Variants in PBRM1 observed in about 807,000 individuals in gnomAD.
The protein encoded by PBRM1 is polybromo 1, also known as protein polybromo-1.
Under a neutral mutation model 194.5 loss-of-function variants are expected in PBRM1, and 27 were observed. The observed-to-expected ratio is 0.14, with a 90% CI of 0.10 to 0.19. PBRM1 has a LOEUF of 0.19. Ranked by LOEUF, PBRM1 falls within the 10% of genes least tolerant of loss-of-function variation. The pLI is 1.00. For synonymous variants in PBRM1, 655 were observed against 693.2 expected, an observed-to-expected ratio of 0.94 and a Z score of 0.87; for missense variants, 1,466 against 2,077.2, an observed-to-expected ratio of 0.71 and a Z score of 5.72.
chr3:52,636,838 G>GAC (rs2095840760), intron 10 of PBRM1, among the ~76,000 whole-genome samples: 1 of 134,912 alleles, frequency 7.4e-6, no homozygotes, highest in African/African-American at 2.7e-5. Context: ...CTGCCTGGGC[G>GAC]ACAGAGTGAG....
At chr3:52,661,821 A>C (rs1457498111) in intron 4 of PBRM1, among the ~76,000 whole-genome samples, 2 of 152,196 alleles carry the variant, frequency 1.3e-5, no homozygotes, top group South Asian at 4.1e-4. Flanking sequence ...TCCTTACATG[A>C]TGTCTCAATG....
chr3:52,665,115 A>G (rs2096804844), intron 3 of PBRM1, among the ~76,000 whole-genome samples: 1 of 152,208 alleles, frequency 6.6e-6, no homozygotes, highest in South Asian at 2.1e-4. Flanking sequence ...GAATAAAGAA[A>G]GTAGTAATAA....
At chr3:52,554,849 G>A (rs755115410) in exon 27 of PBRM1, 11 of 1,606,760 alleles carry the variant, frequency 6.8e-6, no homozygotes, top group Non-Finnish European at 8.5e-6. Flanking sequence ...CTGCAAAGGT[G>A]GAAGGCCTGG....
At chr3:52,679,506 A>T (rs1026094711) in intron 1 of PBRM1, 68 bp downstream of exon 2, 11 of 1,419,270 alleles carry the variant, frequency 7.8e-6, no homozygotes, top group Non-Finnish European at 1.1e-5. Context: ...TAACAATTTT[A>T]CCATTAAAGG....
At chr3:52,583,983 T>C (rs940958332) in intron 20 of PBRM1, among the ~76,000 whole-genome samples, 1 of 152,112 alleles carries the variant, frequency 6.6e-6, no homozygotes, top group East Asian at 1.9e-4. Flanking sequence ...TAAAATGTAA[T>C]ACATCTGGCA....
chr3:52,641,185 C>A (rs562647481), intron 10 of PBRM1, among the ~76,000 whole-genome samples: 7 of 151,564 alleles, frequency 4.6e-5, no homozygotes, highest in Non-Finnish European at 1.0e-4. Flanking sequence ...TGAGGCCAGG[C>A]GTGGTGTAAT....
At chr3:52,655,081 A>G (rs1342218801) in intron 5 of PBRM1, among the ~76,000 whole-genome samples, 1 of 152,162 alleles carries the variant, frequency 6.6e-6, no homozygotes, top group East Asian at 1.9e-4. Context: ...CTGTAATAAA[A>G]TAAATTTCAT....
intron 18 of PBRM1, 29 bp downstream of exon 20, chr3:52,589,039 TAA>T (rs780594277): frequency 6.5e-7 from 1 of 1,545,284 alleles, no homozygotes. Flanking sequence ...CATATCTCAC[TAA>T]ACTGTCCTTT....
chr3:52,575,435 C>T (rs2089199912), intron 22 of PBRM1, among the ~76,000 whole-genome samples: 1 of 147,810 alleles, frequency 6.8e-6, no homozygotes, highest in Non-Finnish European at 1.5e-5. Context: ...TAAGAAAAAA[C>T]AAAATGAACA....
chr3:52,627,193 A>G (rs1044404907), intron 13 of PBRM1, 80 bp downstream of exon 14: 3 of 752,740 alleles, frequency 4.0e-6, no homozygotes, highest in Non-Finnish European at 4.5e-6. Flanking sequence ...TGATAGCTTA[A>G]AAAATATATA....
At chr3:52,639,138 C>T (rs2095962171) in intron 10 of PBRM1, among the ~76,000 whole-genome samples, 1 of 151,958 alleles carries the variant, frequency 6.6e-6, no homozygotes, top group Non-Finnish European at 1.5e-5. Context: ...GCATGTGCCA[C>T]TATATGTATT....
chr3:52,583,418 A>C (rs2091779745), intron 20 of PBRM1, among the ~76,000 whole-genome samples: 1 of 144,484 alleles, frequency 6.9e-6, no homozygotes, highest in Non-Finnish European at 1.5e-5. Flanking sequence ...AAAAAAAAAC[A>C]AAAAAAAAAA....
At chr3:52,637,893 C>T (rs182749231) in intron 10 of PBRM1, among the ~76,000 whole-genome samples, 4 of 151,276 alleles carry the variant, frequency 2.6e-5, no homozygotes, top group African/African-American at 7.3e-5. Context: ...TTGCCATGAG[C>T]GGGGATTGCG....
At chr3:52,564,329 T>C in intron 22 of PBRM1, 96 bp from the exon 25 acceptor site, 1 of 879,398 alleles carries the variant, frequency 1.1e-6, no homozygotes, top group East Asian at 2.6e-5. Context: ...AATACATTCA[T>C]ATAATTAACA....
intron 14 of PBRM1, among the ~76,000 whole-genome samples, chr3:52,616,734 A>C (rs1437652690): frequency 6.6e-6 from 1 of 152,214 alleles, no homozygotes; most frequent in Non-Finnish European, 1.5e-5. Context: ...CAATTAAATA[A>C]ATTATTTAGA....
intron 26 of PBRM1, among the ~76,000 whole-genome samples, chr3:52,556,824 C>T (rs1004587406): frequency 7.9e-5 from 12 of 152,110 alleles, no homozygotes; most frequent in African/African-American, 2.7e-4. Flanking sequence ...CTAGCCAGCA[C>T]ACCCTAAATA....
At chr3:52,658,338 A>G (rs1388283005) in intron 4 of PBRM1, 23 bp from the exon 6 acceptor site, 3 of 1,264,616 alleles carry the variant, frequency 2.4e-6, no homozygotes, top group African/African-American at 3.0e-5. Flanking sequence ...AGAAAAAAGT[A>G]CTTTCTAAGA....
intron 27 of PBRM1, chr3:52,551,797 G>A (rs1428323834): frequency 2.6e-5 from 4 of 152,124 alleles, no homozygotes; most frequent in South Asian, 2.1e-4. Context: ...TAGTCCCTTC[G>A]GATTAAAAAT....
chr3:52,653,693 C>T (rs538651832), intron 5 of PBRM1, among the ~76,000 whole-genome samples: 3 of 151,776 alleles, frequency 2.0e-5, no homozygotes, highest in East Asian at 1.9e-4. Context: ...GGGCAGATCA[C>T]GAGGTCAGGA....
Sources: allele counts gnomAD v4.1 joint callset (sites outside exome capture counted in the v4.1 genomes callset), GRCh38; gene constraint gnomAD v4.1.1; transcripts MANE v1.5; gene names NCBI Gene and HGNC (gene_info 2026-07-23, HGNC 2026-07-21).